XKR6: variants seen among roughly 807,000 people sequenced by gnomAD.
XKR6 encodes XK related 6.
XKR6 carries 22 observed loss-of-function variants against 56.7 expected under a neutral mutation model. The observed-to-expected ratio is 0.39, with a 90% CI of 0.28 to 0.55. The LOEUF (loss-of-function observed/expected upper bound fraction) is 0.55, where lower values mean the gene tolerates loss of function less well. Among genes scored for constraint, XKR6 ranks in the 20% least tolerant of loss-of-function variants. The probability of loss-of-function intolerance (pLI) is 0.66; values close to 1 mark genes in which losing one functional copy is unlikely to be tolerated. For synonymous variants in XKR6, 524 were observed against 387.8 expected, an observed-to-expected ratio of 1.35 and a Z score of -4.13; for missense variants, 852 against 889.0, an observed-to-expected ratio of 0.96 and a Z score of 0.53.
At position 11,121,627 on chromosome 8, in the gene XKR6, C is replaced by T. The variant is rs375662882; in HGVS notation, c.764+78949G>A. On this transcript the variant is annotated intron_variant, in intron 1 of 2. Transcript: ENST00000416569. ...TCAACCATTGTGGAAGTCAGTGTGG[C>T]GATTCCTCAGGGATCTAGAACGGGA... Among the ~76,000 whole-genome samples, 53 of 152,282 alleles carry T rather than the reference C, an allele frequency of 3.5e-4. 1 individual carries two copies. The highest frequency in any genetic ancestry group is 1.5e-5 in the Non-Finnish European group (1 of 68,028).
intron 1 of XKR6, among the ~76,000 whole-genome samples, chr8:10,984,771 C>A (rs1797823115): frequency 1.1e-5 from 1 of 94,672 alleles, no homozygotes; most frequent in East Asian, 2.4e-4. Flanking sequence ...AAGAAATGTG[C>A]ATGAAGAAAA....
intron 1 of XKR6, among the ~76,000 whole-genome samples, chr8:11,024,207 GT>G (rs1563352283): frequency 0.025 from 1,130 of 45,442 alleles, 12 homozygotes; most frequent in African/African-American, 0.15. Flanking sequence ...GTTAGGAGGT[GT>G]GTGTGTGTGT....
chr8:11,190,876 T>C (rs746033797), intron 1 of XKR6, among the ~76,000 whole-genome samples: 1 of 152,242 alleles, frequency 6.6e-6, no homozygotes, highest in Non-Finnish European at 1.5e-5. Flanking sequence ...AAAATGCTTG[T>C]GAAAATTAAG....
intron 1 of XKR6, among the ~76,000 whole-genome samples, chr8:11,072,351 C>T (rs1800154138): frequency 2.8e-5 from 4 of 143,306 alleles, no homozygotes; most frequent in Non-Finnish European, 3.0e-5. Context: ...GTAAGGTCTG[C>T]TGGAGAGACA....
Position 10,924,823 on chromosome 8 carries a change from G to A in XKR6, c.772C>T (p.Arg258Cys), listed in dbSNP as rs1800831445. ...LQMGQVWRYI[R>C]TMYLGIQSQR... ...CTCTGAATCCCCAGGTACATGGTGCGGATATACCTGCCCAGAGAGATGGGG... is the reference window on the plus strand; with the variant it reads ...CTCTGAATCCCCAGGTACATGGTGCAGATATACCTGCCCAGAGAGATGGGG... Residue 258 changes from arginine (R) to cysteine (C), a missense_variant, in exon 2 of 3, where the codon CGC (arginine) becomes TGC (cysteine). By Grantham distance (180) the Arg-to-Cys change is radical. This residue lies in a region of XKR6 where 199 missense variants were observed against 280.4 expected (regional missense o/e 0.71). Transcript: ENST00000416569. The A allele has an allele frequency of 4.3e-6, 7 of 1,612,960 alleles. No homozygotes were observed. Among genetic ancestry groups the A allele is most frequent in the Non-Finnish European group, 4.2e-6 (5 of 1,179,378 alleles).
chr8:11,132,467 A>G (rs1312405187), intron 1 of XKR6, among the ~76,000 whole-genome samples: 1 of 151,374 alleles, frequency 6.6e-6, no homozygotes, highest in East Asian at 1.9e-4. Context: ...GGCTCAACCA[A>G]TTCTCCTGCT....
At chr8:10,900,014 C>T (rs1468842875) in intron 2 of XKR6, among the ~76,000 whole-genome samples, 1 of 152,166 alleles carries the variant, frequency 6.6e-6, no homozygotes, top group Non-Finnish European at 1.5e-5. Flanking sequence ...CAACCCCCAA[C>T]TCCCCGTGCA....
intron 1 of XKR6, among the ~76,000 whole-genome samples, chr8:11,150,238 T>C (rs1219321217): frequency 6.6e-6 from 1 of 152,154 alleles, no homozygotes; most frequent in Non-Finnish European, 1.5e-5. Flanking sequence ...ACTCAAAATG[T>C]TCACCAAACA....
chr8:11,155,604 C>T (rs372675433), intron 1 of XKR6, among the ~76,000 whole-genome samples: 1 of 152,208 alleles, frequency 6.6e-6, no homozygotes, highest in South Asian at 2.1e-4. Flanking sequence ...TATACAGACA[C>T]AGTTTTCTCT....
At chr8:11,027,926 G>C (rs1798906374) in intron 1 of XKR6, among the ~76,000 whole-genome samples, 1 of 152,034 alleles carries the variant, frequency 6.6e-6, no homozygotes, top group Admixed American at 6.5e-5. Context: ...CCAGAGTGGT[G>C]CACTTGTTGC....
At chr8:10,912,593 T>C (rs1294430752) in intron 2 of XKR6, among the ~76,000 whole-genome samples, 1 of 142,936 alleles carries the variant, frequency 7.0e-6, no homozygotes, top group Admixed American at 7.1e-5. Flanking sequence ...CATATATATA[T>C]GTAGAGAGAG....
chr8:11,009,313 C>T (rs1312641346), intron 1 of XKR6, among the ~76,000 whole-genome samples: 3 of 152,136 alleles, frequency 2.0e-5, no homozygotes, highest in Non-Finnish European at 2.9e-5. Context: ...GAGTTCAAGA[C>T]CGGCCTGGGT....
chr8:10,950,077 C>A (rs981462289), intron 1 of XKR6, among the ~76,000 whole-genome samples: 2 of 152,142 alleles, frequency 1.3e-5, no homozygotes, highest in African/African-American at 2.4e-5. Context: ...TGCATGCACA[C>A]GTGACACATG....
chr8:11,174,899 T>C (rs1256167149), intron 1 of XKR6, among the ~76,000 whole-genome samples: 2 of 152,214 alleles, frequency 1.3e-5, no homozygotes, highest in African/African-American at 4.8e-5. Flanking sequence ...AGTATTTAAC[T>C]AAAGTTCCAC....
chr8:11,162,598 C>T (rs1801868299), intron 1 of XKR6, among the ~76,000 whole-genome samples: 1 of 152,126 alleles, frequency 6.6e-6, no homozygotes, highest in Non-Finnish European at 1.5e-5. Flanking sequence ...AATTACAAAA[C>T]ATATTTCCTT....
chr8:11,162,003 C>T (rs1801838561), intron 1 of XKR6, among the ~76,000 whole-genome samples: 2 of 152,074 alleles, frequency 1.3e-5, no homozygotes, highest in Admixed American at 6.5e-5. Flanking sequence ...CTCATCTCGT[C>T]CCACTTCACA....
At chr8:11,001,758 T>TG (rs1327878917) in intron 1 of XKR6, among the ~76,000 whole-genome samples, 1 of 152,208 alleles carries the variant, frequency 6.6e-6, no homozygotes, top group Non-Finnish European at 1.5e-5. Flanking sequence ...ACTTCCTGCC[T>TG]GGCTCCTTCA....
chr8:11,011,575 T>C (rs554530161), intron 1 of XKR6, among the ~76,000 whole-genome samples: 3 of 152,334 alleles, frequency 2.0e-5, no homozygotes, highest in Admixed American at 2.0e-4. Context: ...CAAAAACCTC[T>C]GGCTATGTGG....
chr8:11,129,196 T>C (rs997804326), intron 1 of XKR6, among the ~76,000 whole-genome samples: 3 of 152,208 alleles, frequency 2.0e-5, no homozygotes, highest in African/African-American at 7.2e-5. Context: ...TTGCTCAACA[T>C]TGTAAACATA....
Sources: allele counts gnomAD v4.1 joint callset (sites outside exome capture counted in the v4.1 genomes callset), GRCh38; gene constraint gnomAD v4.1.1; regional missense constraint gnomAD v4.1.1; transcripts MANE v1.5; gene names NCBI Gene and HGNC (gene_info 2026-07-23, HGNC 2026-07-21).